The following CNTN6 variants were observed in gnomAD, a reference collection of about 807,000 sequenced individuals.
The protein encoded by CNTN6 is contactin-6.
A neutral mutation model predicts 122.8 loss-of-function variants in CNTN6; 137 were observed. That is an observed-to-expected ratio of 1.12 (90% confidence interval 0.97 to 1.29). CNTN6 has a LOEUF of 1.29. CNTN6 is among the 50% of genes most tolerant of loss of function. The pLI is 0.00. For missense variants in CNTN6, 1,634 were observed against 1,223.4 expected (o/e 1.34, Z -5.01); for synonymous variants, 570 against 426.0 (o/e 1.34, Z -4.16).
At chr3:1,256,996 C>A (rs1423704556) in intron 4 of CNTN6, among the ~76,000 whole-genome samples, 1 of 152,128 alleles carries the variant, frequency 6.6e-6, no homozygotes, top group Non-Finnish European at 1.5e-5. Flanking sequence ...ATGATACTTT[C>A]AACAGCACCA....
At chr3:1,234,745 T>C (rs2094400185) in intron 4 of CNTN6, among the ~76,000 whole-genome samples, 1 of 152,212 alleles carries the variant, frequency 6.6e-6, no homozygotes, top group Non-Finnish European at 1.5e-5. Flanking sequence ...TTTTCTTTAA[T>C]TTCTTAAATT....
At chr3:1,318,991 A>G (rs914337721) in intron 7 of CNTN6, among the ~76,000 whole-genome samples, 14 of 151,822 alleles carry the variant, frequency 9.2e-5, no homozygotes, top group African/African-American at 2.9e-4. Flanking sequence ...GTATCTAAAT[A>G]GGAGACTCCA....
chr3:1,232,903 G>T (rs1559560874), intron 4 of CNTN6, among the ~76,000 whole-genome samples: 1 of 152,182 alleles, frequency 6.6e-6, no homozygotes, highest in Admixed American at 6.5e-5. Flanking sequence ...AGAAAGTACA[G>T]GTCGGAAGAA....
intron 7 of CNTN6, among the ~76,000 whole-genome samples, chr3:1,303,478 C>G (rs1697786923): frequency 6.6e-6 from 1 of 152,158 alleles, no homozygotes; most frequent in Non-Finnish European, 1.5e-5. Flanking sequence ...TAAATTTTAG[C>G]TAGTACCTTT....
chr3:1,182,632 A>C (rs2093572172), intron 2 of CNTN6, among the ~76,000 whole-genome samples: 1 of 151,956 alleles, frequency 6.6e-6, no homozygotes, highest in Admixed American at 6.6e-5. Context: ...AGCTTCAGAA[A>C]TGTAACTCAT....
At chr3:1,184,852 C>G (rs1292952553) in intron 2 of CNTN6, among the ~76,000 whole-genome samples, 1 of 151,962 alleles carries the variant, frequency 6.6e-6, no homozygotes, top group Non-Finnish European at 1.5e-5. Flanking sequence ...AACATTTTCC[C>G]TACTGGTATT....
chr3:1,129,975 A>G (rs1004819389), intron 1 of CNTN6, among the ~76,000 whole-genome samples: 1 of 152,068 alleles, frequency 6.6e-6, no homozygotes, highest in African/African-American at 2.4e-5. Flanking sequence ...AAATCTAGAT[A>G]TATTTTTAAT....
At chr3:1,218,945 C>T (rs1443513629) in intron 2 of CNTN6, among the ~76,000 whole-genome samples, 1 of 152,184 alleles carries the variant, frequency 6.6e-6, no homozygotes, top group African/African-American at 2.4e-5. Context: ...GATCCTGGAA[C>T]TCTCTCTTGT....
intron 4 of CNTN6, among the ~76,000 whole-genome samples, chr3:1,249,592 G>A (rs2125658053): frequency 6.6e-6 from 1 of 152,312 alleles, no homozygotes; most frequent in East Asian, 1.9e-4. Context: ...CTATAGACGT[G>A]ATTTAACAAG....
intron 1 of CNTN6, among the ~76,000 whole-genome samples, chr3:1,138,111 T>A (rs906115494): frequency 2.0e-5 from 3 of 152,198 alleles, no homozygotes; most frequent in African/African-American, 7.2e-5. Context: ...CTTGCACTGC[T>A]CCCCAGGAGA....
chr3:1,241,110 G>A (rs2094477289), intron 4 of CNTN6, among the ~76,000 whole-genome samples: 1 of 152,064 alleles, frequency 6.6e-6, no homozygotes, highest in African/African-American at 2.4e-5. Context: ...AAATCACAAT[G>A]GTGGAATGTC....
At chr3:1,331,490 T>C (rs1046665532) in intron 11 of CNTN6, among the ~76,000 whole-genome samples, 26 of 151,916 alleles carry the variant, frequency 1.7e-4, no homozygotes, top group African/African-American at 6.3e-4. Flanking sequence ...CTGACTCAGG[T>C]TGGGTCTCTT....
At chr3:1,131,930 C>G (rs538641812) in intron 1 of CNTN6, among the ~76,000 whole-genome samples, 74 of 151,960 alleles carry the variant, frequency 4.9e-4, no homozygotes, top group African/African-American at 1.4e-3. Context: ...AAAGGCAGGT[C>G]CCCAGGAGGC....
At chr3:1,389,171 G>A (rs563434041) in intron 20 of CNTN6, among the ~76,000 whole-genome samples, 42 of 149,646 alleles carry the variant, frequency 2.8e-4, no homozygotes, top group Admixed American at 1.7e-3. Flanking sequence ...GAGAAAGGTC[G>A]GGTTACCCTC....
In CNTN6 at chr3:1,321,693, T is replaced by C. The variant is rs1441396418; in HGVS notation, c.805T>C (p.Leu269=). 1.9e-6 allele frequency: 3 copies of C among 1,611,606 alleles called. No individual in the cohort carries two copies. Among genetic ancestry groups the C allele is most frequent in the Non-Finnish European group, 2.5e-6 (3 of 1,178,450 alleles). ...TTGGAGAAGGTTGGACGGGAGCCCG[T>C]TGCCAGGGAAAGTCAAGTACAGCAA... ...ISWRRLDGSP[L]PGKVKYSKSQ... is the part of the protein sequence containing the mutation. Residue 269 remains leucine (L), a synonymous_variant, in exon 8 of 23, where the codon TTG becomes CTG. Transcript: ENST00000446702.
At chr3:1,374,789 C>G (rs1053728847) in intron 16 of CNTN6, among the ~76,000 whole-genome samples, 1 of 152,028 alleles carries the variant, frequency 6.6e-6, no homozygotes, top group Non-Finnish European at 1.5e-5. Context: ...TTAACAAACA[C>G]AAATTACCTT....
At chr3:1,173,914 A>T (rs1467663821) in intron 2 of CNTN6, among the ~76,000 whole-genome samples, 1 of 152,118 alleles carries the variant, frequency 6.6e-6, no homozygotes, top group Non-Finnish European at 1.5e-5. Flanking sequence ...GTGGGGTTGG[A>T]ATTATGAATT....
intron 11 of CNTN6, among the ~76,000 whole-genome samples, chr3:1,338,449 C>A (rs1025762497): frequency 6.6e-6 from 1 of 152,128 alleles, no homozygotes; most frequent in African/African-American, 2.4e-5. Flanking sequence ...TTGTTGAATA[C>A]CACCTAGAGG....
At chr3:1,185,334 T>C (rs1559475075) in intron 2 of CNTN6, among the ~76,000 whole-genome samples, 1 of 152,156 alleles carries the variant, frequency 6.6e-6, no homozygotes. Context: ...ATTGTTTATT[T>C]AAAAAAGATG....
Sources: allele counts gnomAD v4.1 joint callset (sites outside exome capture counted in the v4.1 genomes callset), GRCh38; gene constraint gnomAD v4.1.1; transcripts MANE v1.5; gene names NCBI Gene and HGNC (gene_info 2026-07-23, HGNC 2026-07-21).